The following CCNJL variants were observed in gnomAD, a reference collection of about 807,000 sequenced individuals.
The protein encoded by CCNJL is cyclin-J-like protein.
Under a neutral mutation model 33.4 loss-of-function variants are expected in CCNJL, and 33 were observed. That is an observed-to-expected ratio of 0.99 (90% CI 0.75 to 1.32). The LOEUF is 1.32. Ranked by LOEUF, CCNJL falls within the 40% of genes most tolerant of loss-of-function variation. CCNJL has a pLI of 0.00. For synonymous variants in CCNJL, 227 were observed against 220.9 expected, an observed-to-expected ratio of 1.03 and a Z score of -0.24; for missense variants, 512 against 499.7, an observed-to-expected ratio of 1.02 and a Z score of -0.23.
At chr5:160,327,294 G>T (rs934367008) in intron 1 of CCNJL, among the ~76,000 whole-genome samples, 2 of 152,190 alleles carry the variant, frequency 1.3e-5, no homozygotes, top group Non-Finnish European at 2.9e-5. Flanking sequence ...TTTAGTGATA[G>T]CTACTTTGTG....
chr5:160,329,937 CCA>C (rs1318136406), intron 1 of CCNJL, among the ~76,000 whole-genome samples: 1 of 152,114 alleles, frequency 6.6e-6, no homozygotes, highest in Non-Finnish European at 1.5e-5. Flanking sequence ...GGAGAGACCA[CCA>C]CCCTCTCTTT....
At chr5:160,259,208 G>C (rs1761207425) in intron 4 of CCNJL, among the ~76,000 whole-genome samples, 1 of 152,224 alleles carries the variant, frequency 6.6e-6, no homozygotes, top group African/African-American at 2.4e-5. Flanking sequence ...TCAGGTTACT[G>C]TAAGAAAAAT....
chr5:160,334,966 T>C (rs1763665025), intron 1 of CCNJL, among the ~76,000 whole-genome samples: 1 of 152,270 alleles, frequency 6.6e-6, no homozygotes, highest in Non-Finnish European at 1.5e-5. Context: ...GTTTTATATA[T>C]AGATTATACA....
intron 1 of CCNJL, among the ~76,000 whole-genome samples, chr5:160,321,955 G>A (rs1265684685): frequency 6.6e-6 from 1 of 152,178 alleles, no homozygotes; most frequent in Non-Finnish European, 1.5e-5. Context: ...AATGGTCTTT[G>A]GCCAGGCACA....
intron 4 of CCNJL, among the ~76,000 whole-genome samples, chr5:160,256,403 C>T (rs190046433): frequency 6.6e-6 from 1 of 152,186 alleles, no homozygotes; most frequent in African/African-American, 2.4e-5. Flanking sequence ...AATGCCTGGC[C>T]CATAGTAGGC....
chr5:160,285,048 G>C (rs1316549272), intron 2 of CCNJL, among the ~76,000 whole-genome samples: 1 of 151,974 alleles, frequency 6.6e-6, no homozygotes, highest in Non-Finnish European at 1.5e-5. Context: ...GAATTAGCTG[G>C]GCATGGTGGC....
At chr5:160,339,034 A>C (rs1763717709) in intron 1 of CCNJL, among the ~76,000 whole-genome samples, 1 of 151,902 alleles carries the variant, frequency 6.6e-6, no homozygotes, top group African/African-American at 2.4e-5. Flanking sequence ...TGATCCACCC[A>C]CCTCGGACTC....
At chr5:160,294,046 C>T (rs1283657732) in intron 2 of CCNJL, among the ~76,000 whole-genome samples, 1 of 152,144 alleles carries the variant, frequency 6.6e-6, no homozygotes, top group Non-Finnish European at 1.5e-5. Flanking sequence ...GAACAAAGAA[C>T]CGCAGAGAGG....
chr5:160,276,832 G>A (rs569231157), intron 3 of CCNJL, among the ~76,000 whole-genome samples: 1 of 152,102 alleles, frequency 6.6e-6, no homozygotes, highest in East Asian at 1.9e-4. Flanking sequence ...CACCCAGGCT[G>A]GAGTGCAGTG....
At chr5:160,286,054 T>C (rs1186663701) in intron 2 of CCNJL, among the ~76,000 whole-genome samples, 1 of 152,170 alleles carries the variant, frequency 6.6e-6, no homozygotes, top group African/African-American at 2.4e-5. Flanking sequence ...CATAGATCCT[T>C]GGTGTCTGGT....
chr5:160,257,868 T>C (rs1363906946), intron 4 of CCNJL, among the ~76,000 whole-genome samples: 2 of 151,450 alleles, frequency 1.3e-5, no homozygotes, highest in African/African-American at 4.9e-5. Context: ...TTTTTTTAGA[T>C]GGAGTCTTGT....
intron 1 of CCNJL, among the ~76,000 whole-genome samples, chr5:160,320,805 CTTTCTTTCTTTCTT>C (rs1367428559): frequency 8.0e-5 from 6 of 74,578 alleles, no homozygotes; most frequent in Non-Finnish European, 1.5e-4. Context: ...TTCTTTCTTT[CTTTCTTTCTTTCTT>C]TCTTTCTTTC....
At chr5:160,256,471 T>G (rs1761067490) in intron 4 of CCNJL, among the ~76,000 whole-genome samples, 1 of 152,302 alleles carries the variant, frequency 6.6e-6, no homozygotes, top group African/African-American at 2.4e-5. Flanking sequence ...ATAACTAAAA[T>G]TGGCACTTAG....
At chr5:160,323,227 T>G (rs1339008236) in intron 1 of CCNJL, among the ~76,000 whole-genome samples, 10 of 142,174 alleles carry the variant, frequency 7.0e-5, no homozygotes, top group African/African-American at 2.7e-4. Flanking sequence ...AGAGCGAGAC[T>G]CCAACTCAAA....
In CCNJL at chr5:160,320,834, T is replaced by TTTCTTTCC. The variant is rs1314873374; in HGVS notation, n.207-5330_207-5329insGGAAAGAA. On this transcript the variant is annotated intron_variant and non_coding_transcript_variant, in intron 1 of 7. Transcript: ENST00000377503. ...CTTTCTTTCTTTCTTTCTTTCTTTC[T>TTTCTTTCC]TTCTTTCTTTCTTTCCTTCTTTCTT... is the stretch of plus-strand genomic sequence containing the variant. Among the ~76,000 whole-genome samples, 888 of 120,052 alleles carry TTTCTTTCC rather than the reference T, an allele frequency of 7.4e-3. 5 individuals are homozygous for TTTCTTTCC. The highest frequency in any genetic ancestry group is 0.024 in the African/African-American group (679 of 28,570). 78.8% of individuals were successfully genotyped at this position (120,052 alleles called of 152,430 possible).
chr5:160,266,303 C>T lies in CCNJL; in HGVS notation c.281-6532G>A, dbSNP rs112750115. ...CCAGTGTCCCAGGGGTGGAAGCCCA[C>T]GCAGGGCCAGGCTCAATAGAGACCT... On this transcript the variant is annotated intron_variant, in intron 3 of 5. Coordinates refer to ENST00000257536, the MANE Select transcript of CCNJL (RefSeq NM_001308173.3). 6.9e-3 allele frequency among the ~76,000 whole-genome samples: 1,049 copies of T among 152,384 alleles called. 5 individuals carry two copies. The highest frequency in any genetic ancestry group is 0.014 in the Middle Eastern group (4 of 294).
intron 2 of CCNJL, among the ~76,000 whole-genome samples, chr5:160,307,303 G>T (rs1464545362): frequency 6.6e-6 from 1 of 152,178 alleles, no homozygotes; most frequent in Non-Finnish European, 1.5e-5. Flanking sequence ...TAGTGGGTAG[G>T]ACAAGTCACT....
intron 2 of CCNJL, among the ~76,000 whole-genome samples, chr5:160,285,981 C>T (rs1039220908): frequency 3.3e-5 from 5 of 152,318 alleles, no homozygotes; most frequent in East Asian, 3.9e-4. Flanking sequence ...TTGCAGACTA[C>T]GTGGGTATTT....
At chr5:160,331,390 A>AT (rs1561815477) in intron 1 of CCNJL, among the ~76,000 whole-genome samples, 4 of 151,428 alleles carry the variant, frequency 2.6e-5, no homozygotes, top group Admixed American at 2.0e-4. Context: ...CGCCCGGCTA[A>AT]TTTTTTTGTA....
Sources: gnomAD v4.1 joint callset for allele counts (sites outside exome capture counted in the v4.1 genomes callset) on GRCh38, gnomAD v4.1.1 for gene constraint, MANE v1.5 for transcripts, NCBI Gene and HGNC (gene_info 2026-07-23, HGNC 2026-07-21) for gene names.